Variants in SLC39A9 observed in about 807,000 individuals in gnomAD.
SLC39A9 encodes solute carrier family 39 member 9.
In SLC39A9, 14 loss-of-function variants were observed where a neutral mutation model predicts 28.4. The ratio of observed to expected loss-of-function variants is 0.49; its 90% CI spans 0.33 to 0.77. The LOEUF (loss-of-function observed/expected upper bound fraction) is 0.77. Ranked by LOEUF, SLC39A9 falls within the 30% of genes least tolerant of loss-of-function variation. The probability of loss-of-function intolerance (pLI) is 0.02; values close to 1 mark genes in which losing one functional copy is unlikely to be tolerated. For missense variants in SLC39A9, 283 were observed against 381.1 expected (o/e 0.74, Z 2.14); for synonymous variants, 119 against 149.6 (o/e 0.80, Z 1.49).
chr14:69,431,925 C>T (rs1884517071), intron 2 of SLC39A9, among the ~76,000 whole-genome samples: 1 of 152,210 alleles, frequency 6.6e-6, no homozygotes, highest in African/African-American at 2.4e-5. Flanking sequence ...TATTCCGTGG[C>T]GTATATGTAC....
chr14:69,440,776 C>T (rs1431569651), intron 2 of SLC39A9, among the ~76,000 whole-genome samples: 7 of 152,104 alleles, frequency 4.6e-5, no homozygotes, highest in South Asian at 4.1e-4. Flanking sequence ...CTGGTTCAAG[C>T]GATTCTCCTG....
chr14:69,434,287 T>C (rs1884639501), intron 2 of SLC39A9, among the ~76,000 whole-genome samples: 1 of 151,636 alleles, frequency 6.6e-6, no homozygotes, highest in African/African-American at 2.4e-5. Context: ...TTTCACCATA[T>C]TGGTCAGGCT....
intron 3 of SLC39A9, among the ~76,000 whole-genome samples, chr14:69,444,511 C>T (rs1044575895): frequency 2.0e-5 from 3 of 152,092 alleles, no homozygotes; most frequent in Non-Finnish European, 2.9e-5. Flanking sequence ...ACAATACACC[C>T]GATTGGCAAA....
rs956614343 is a variant in SLC39A9, at chr14:69,456,018, A to G, written c.693+152A>G. 5.9e-6 allele frequency: 5 copies of G among 852,806 alleles called. No homozygotes were observed. In the African/African-American group the frequency reaches 8.6e-5, roughly 15 times the overall value. The allele number at this position is 852,806 out of a possible 1,614,324, so 52.8% of individuals were successfully genotyped here. ...TATACAGGGTAAATATCTTAATTCC[A>G]ATGCGTCCTCTTCATATTAGCATTT... On this transcript the variant is annotated intron_variant, in intron 6 of 6. Transcript: ENST00000336643.
Position 69,458,660 on chromosome 14 carries a change from C to T in SLC39A9, c.*67C>T, listed in dbSNP as rs1375528439. The T allele has an allele frequency of 6.7e-7, 1 of 1,487,218 alleles. No individual in the cohort carries two copies. The highest frequency in any genetic ancestry group is 2.5e-5 in the East Asian group (1 of 40,468). The allele number at this position is 1,487,218 out of a possible 1,614,324, so 92.1% of individuals were successfully genotyped here. A position where few individuals can be genotyped will look rare whatever the true frequency, so the allele number is the denominator to read the frequency against. On this transcript the variant is annotated 3_prime_UTR_variant, in exon 7 of 7. Transcript: ENST00000336643. ...AGTGAGAACAGCCGGCACGTGACAG[C>T]TACTCACTTCCTCAGTCTCTTGTCT...
chr14:69,448,999 C>T (rs1224197613), intron 3 of SLC39A9, among the ~76,000 whole-genome samples: 1 of 151,954 alleles, frequency 6.6e-6, no homozygotes, highest in Non-Finnish European at 1.5e-5. Flanking sequence ...TTTTTTTTTA[C>T]TATTCTTGCA....
chr14:69,398,865 C>A lies in SLC39A9; in HGVS notation c.-505C>A. The A allele has an allele frequency of 5.1e-6, 1 of 197,556 alleles. No individual in the cohort carries two copies. The highest frequency in any genetic ancestry group is 6.1e-5 in the Admixed American group (1 of 16,490). 12.2% of individuals were successfully genotyped at this position (197,556 alleles called of 1,614,324 possible). A position where few individuals can be genotyped will look rare whatever the true frequency, so the allele number is the denominator to read the frequency against. ...TAGAGACCTGCAGGACTCCTTTCCTCATCCCAGGCTCGGAGGAGAGTTTGC... is the reference window on the plus strand; with the variant it reads ...TAGAGACCTGCAGGACTCCTTTCCTAATCCCAGGCTCGGAGGAGAGTTTGC... On this transcript the variant is annotated 5_prime_UTR_variant, in exon 1 of 7. Transcript: ENST00000336643.
At chr14:69,454,339 G>A (rs537426193) in intron 4 of SLC39A9, among the ~76,000 whole-genome samples, 3 of 152,178 alleles carry the variant, frequency 2.0e-5, no homozygotes, top group East Asian at 3.9e-4. Context: ...GGCACGATTC[G>A]GCTCATTGCA....
Position 69,422,793 on chromosome 14 carries a change from G to A in SLC39A9, c.97-1301G>A, listed in dbSNP as rs552673573. On this transcript the variant is annotated intron_variant, in intron 1 of 6. Coordinates refer to ENST00000336643, the MANE Select transcript of SLC39A9 (RefSeq NM_018375.5). Reference sequence around the variant, plus strand: ...GAGACGGGGTTTCACCATGTTGGCCGGGCTGGTCTCGAACTCCTGACCTCA... The same window carrying A: ...GAGACGGGGTTTCACCATGTTGGCCAGGCTGGTCTCGAACTCCTGACCTCA... Among the ~76,000 whole-genome samples the A allele has an allele frequency of 7.2e-5, 11 of 152,054 alleles. No individual in the cohort carries two copies. In the East Asian group the frequency reaches 1.5e-3, roughly 21 times the overall value.
At chr14:69,437,216 G>A (rs1351890401) in intron 2 of SLC39A9, among the ~76,000 whole-genome samples, 1 of 152,056 alleles carries the variant, frequency 6.6e-6, no homozygotes, top group East Asian at 1.9e-4. Context: ...GGTTTTAACT[G>A]CCTTTGTTGC....
At chr14:69,425,990 T>G (rs890547869) in intron 2 of SLC39A9, among the ~76,000 whole-genome samples, 2 of 152,178 alleles carry the variant, frequency 1.3e-5, no homozygotes, top group Admixed American at 6.5e-5. Context: ...ACTAAAATTA[T>G]CTACCGTGTG....
chr14:69,442,331 C>G, intron 3 of SLC39A9, 65 bp downstream of exon 3: 1 of 1,470,922 alleles, frequency 6.8e-7, no homozygotes, highest in Non-Finnish European at 9.4e-7. Context: ...TACAAACGAT[C>G]AAATATTTCA....
chr14:69,422,984 A>G (rs1014058474), intron 1 of SLC39A9, among the ~76,000 whole-genome samples: 1 of 152,246 alleles, frequency 6.6e-6, no homozygotes, highest in African/African-American at 2.4e-5. Context: ...GACAATTAGG[A>G]TTAAGTTGGA....
Position 69,459,651 on chromosome 14 carries a change from A to G in SLC39A9, c.*1058A>G, listed in dbSNP as rs1886031774. The G allele has an allele frequency of 1.0e-6, 1 of 984,654 alleles. No individual in the cohort carries two copies. Among genetic ancestry groups the G allele is most frequent in the South Asian group, 4.7e-5 (1 of 21,258 alleles). The allele number at this position is 984,654 out of a possible 1,614,324, so 61.0% of individuals were successfully genotyped here. A position where few individuals can be genotyped will look rare whatever the true frequency, so the allele number is the denominator to read the frequency against. ...CTTTGGCGACACTGTGTCTTCTCAC[A>G]TAACCACCTGTAGCAAGATGGATCA... On this transcript the variant is annotated 3_prime_UTR_variant, in exon 7 of 7. Transcript: ENST00000336643.
intron 2 of SLC39A9, chr14:69,429,479 G>T (rs1048823815): frequency 6.6e-6 from 1 of 152,090 alleles, no homozygotes; most frequent in Non-Finnish European, 1.5e-5. Flanking sequence ...TTAATGTACT[G>T]GTTGTTGTAT....
intron 2 of SLC39A9, among the ~76,000 whole-genome samples, chr14:69,424,925 C>A (rs936363405): frequency 4.6e-5 from 7 of 152,164 alleles, no homozygotes; most frequent in African/African-American, 9.7e-5. Context: ...GTAGGCACTT[C>A]CAAATTTCTT....
intron 1 of SLC39A9, among the ~76,000 whole-genome samples, chr14:69,406,561 G>A (rs1373096865): frequency 3.3e-5 from 5 of 151,850 alleles, no homozygotes; most frequent in East Asian, 2.0e-4. Flanking sequence ...AGTGGCTCAC[G>A]CCTGTAATCC....
At chr14:69,411,535 T>G (rs753946390) in intron 1 of SLC39A9, among the ~76,000 whole-genome samples, 5 of 152,218 alleles carry the variant, frequency 3.3e-5, no homozygotes, top group Non-Finnish European at 7.3e-5. Flanking sequence ...CAGAAACTGT[T>G]GGTTTGGGAA....
chr14:69,459,908 A>G lies in SLC39A9; in HGVS notation c.*1315A>G. The G allele has an allele frequency of 1.0e-6, 1 of 985,620 alleles. No individual in the cohort carries two copies. The highest frequency in any genetic ancestry group is 1.2e-6 in the Non-Finnish European group (1 of 829,900). The allele number at this position is 985,620 out of a possible 1,614,324, so 61.1% of individuals were successfully genotyped here. On this transcript the variant is annotated 3_prime_UTR_variant, in exon 7 of 7. Transcript: ENST00000336643. The stretch of plus-strand genomic sequence containing the variant: ...CTTTATTCTTTATCCCCCTTCAAAG[A>G]AATTACCTTTGTGTCAAATGCCGCT...
Sources: gnomAD v4.1 joint callset for allele counts (sites outside exome capture counted in the v4.1 genomes callset) on GRCh38, gnomAD v4.1.1 for gene constraint, MANE v1.5 for transcripts, NCBI Gene and HGNC (gene_info 2026-07-23, HGNC 2026-07-21) for gene names.